PCDH11Y: variants seen among roughly 807,000 people sequenced by gnomAD.
The protein encoded by PCDH11Y is protocadherin-11 Y-linked.
For synonymous variants in PCDH11Y, 9 were observed against 83.6 expected (o/e 0.11, Z 4.87); for missense variants, 12 against 224.8 (o/e 0.05, Z 6.05).
chrY:5,548,561 A>T, intron 3 of PCDH11Y, among the ~76,000 whole-genome samples: 1 of 32,202 alleles, frequency 3.1e-5, no homozygotes, highest in Non-Finnish European at 7.6e-5. Flanking sequence ...AATTCAGGAA[A>T]TACAGAGAAC....
At chrY:5,599,091 G>T in intron 4 of PCDH11Y, among the ~76,000 whole-genome samples, 2 of 32,212 alleles carry the variant, frequency 6.2e-5, no homozygotes, top group African/African-American at 1.2e-4. Context: ...AGAGTATAGA[G>T]ATTAAGTGCT....
At chrY:5,639,358 G>A (rs2053521060) in intron 4 of PCDH11Y, among the ~76,000 whole-genome samples, 10 of 32,568 alleles carry the variant, frequency 3.1e-4, no homozygotes, top group Non-Finnish European at 6.0e-4. Flanking sequence ...ATACCTCGAC[G>A]ATATTGTGGG....
At chrY:5,699,836 G>A in intron 4 of PCDH11Y, among the ~76,000 whole-genome samples, 1 of 33,269 alleles carries the variant, frequency 3.0e-5, no homozygotes, top group African/African-American at 1.2e-4. Context: ...GGCTCATGAA[G>A]GGATCTCCTG....
At chrY:5,267,116 A>G in intron 2 of PCDH11Y, among the ~76,000 whole-genome samples, 1 of 29,857 alleles carries the variant, frequency 3.3e-5, no homozygotes, top group Non-Finnish European at 7.9e-5. Context: ...AACTACATTT[A>G]GCTATTTATT....
intron 4 of PCDH11Y, among the ~76,000 whole-genome samples, chrY:5,598,395 C>T (rs2557140): frequency 6.1e-5 from 2 of 32,564 alleles, no homozygotes; most frequent in East Asian, 8.0e-4. Context: ...AGAATAATGA[C>T]GTAGGAAAAT....
intron 4 of PCDH11Y, among the ~76,000 whole-genome samples, chrY:5,695,907 CAG>C (rs2053572097): frequency 3.1e-5 from 1 of 32,441 alleles, no homozygotes; most frequent in African/African-American, 1.2e-4. Context: ...CTTAGGAAAA[CAG>C]TAGTTTATAC....
At chrY:5,131,263 G>C in intron 2 of PCDH11Y, among the ~76,000 whole-genome samples, 1 of 32,878 alleles carries the variant, frequency 3.0e-5, no homozygotes, top group Non-Finnish European at 7.4e-5. Flanking sequence ...TTAAAGTGGA[G>C]TCAAAATTTG....
chrY:5,060,836 C>A (rs2124628890), intron 1 of PCDH11Y, among the ~76,000 whole-genome samples: 1 of 28,135 alleles, frequency 3.6e-5, no homozygotes, highest in Non-Finnish European at 8.3e-5. Flanking sequence ...GCCTGGCCAA[C>A]ACAGTGAAAC....
At chrY:5,393,858 G>A in intron 2 of PCDH11Y, among the ~76,000 whole-genome samples, 1 of 30,107 alleles carries the variant, frequency 3.3e-5, no homozygotes, top group East Asian at 8.1e-4. Flanking sequence ...TCATTGAGTT[G>A]TACCATTGCA....
chrY:5,719,955 A>C, intron 4 of PCDH11Y, among the ~76,000 whole-genome samples: 1 of 34,327 alleles, frequency 2.9e-5, no homozygotes, highest in South Asian at 6.4e-4. Flanking sequence ...TGAAACATGC[A>C]GTCAAAGGTG....
chrY:5,340,090 A>G (rs2124668652), intron 2 of PCDH11Y, among the ~76,000 whole-genome samples: 13 of 32,658 alleles, frequency 4.0e-4, no homozygotes, highest in Admixed American at 2.0e-3. Context: ...CTAGGAAGCC[A>G]GTAGTGGCTC....
At chrY:5,530,461 C>T in intron 3 of PCDH11Y, among the ~76,000 whole-genome samples, 1 of 32,962 alleles carries the variant, frequency 3.0e-5, no homozygotes, top group Non-Finnish European at 7.5e-5. Flanking sequence ...TTTTCACATA[C>T]AGTGCTAATG....
chrY:5,612,033 G>A, intron 4 of PCDH11Y, among the ~76,000 whole-genome samples: 1 of 17,930 alleles, frequency 5.6e-5, no homozygotes, highest in East Asian at 1.4e-3. Flanking sequence ...GCTTCGGCTC[G>A]CGCACGGTGC....
At chrY:5,667,342 G>T in intron 4 of PCDH11Y, among the ~76,000 whole-genome samples, 1 of 30,222 alleles carries the variant, frequency 3.3e-5, no homozygotes, top group Non-Finnish European at 7.9e-5. Context: ...TTAAAGGAAA[G>T]AACTCATTCC....
At chrY:5,425,151 C>T in intron 2 of PCDH11Y, among the ~76,000 whole-genome samples, 1 of 33,192 alleles carries the variant, frequency 3.0e-5, no homozygotes, top group African/African-American at 1.2e-4. Flanking sequence ...GTAAATGTAG[C>T]GCATTGTAGA....
intron 4 of PCDH11Y, among the ~76,000 whole-genome samples, chrY:5,654,463 C>T: frequency 6.0e-5 from 2 of 33,167 alleles, no homozygotes; most frequent in Non-Finnish European, 1.5e-4. Context: ...CACAATACAA[C>T]GACATGCAAT....
intron 3 of PCDH11Y, among the ~76,000 whole-genome samples, chrY:5,043,158 G>A: frequency 2.5e-4 from 8 of 32,383 alleles, no homozygotes; most frequent in Admixed American, 1.4e-3. Context: ...TTGAATAGGA[G>A]TGGTGAGAGA....
At chrY:5,563,596 A>G (rs2053431636) in intron 3 of PCDH11Y, among the ~76,000 whole-genome samples, 1 of 33,356 alleles carries the variant, frequency 3.0e-5, no homozygotes, top group Non-Finnish European at 7.4e-5. Context: ...AGAAATACAC[A>G]CCAAGAATAC....
intron 3 of PCDH11Y, among the ~76,000 whole-genome samples, chrY:5,570,242 T>C (rs2124696149): frequency 6.0e-5 from 2 of 33,349 alleles, no homozygotes; most frequent in Admixed American, 5.6e-4. Context: ...CTTGCTTCTA[T>C]TTTTGCTTCC....
Sources: gnomAD v4.1 joint callset for allele counts (sites outside exome capture counted in the v4.1 genomes callset) on GRCh38, gnomAD v4.1.1 for gene constraint, MANE v1.5 for transcripts, NCBI Gene and HGNC (gene_info 2026-07-23, HGNC 2026-07-21) for gene names.